ZHX2: variants seen among roughly 807,000 people sequenced by gnomAD.
ZHX2 encodes the protein zinc fingers and homeoboxes 2, also known as zinc fingers and homeoboxes protein 2.
ZHX2 carries 6 observed loss-of-function variants against 21.9 expected under a neutral mutation model. The observed-to-expected ratio is 0.27, with a 90% CI of 0.15 to 0.54. The LOEUF (loss-of-function observed/expected upper bound fraction) is 0.54. ZHX2 is among the 20% of genes least tolerant of loss of function. The probability of loss-of-function intolerance (pLI) is 0.95; values close to 1 mark genes in which losing one functional copy is unlikely to be tolerated. For synonymous variants in ZHX2, 434 were observed against 437.1 expected, an observed-to-expected ratio of 0.99 and a Z score of 0.09; for missense variants, 908 against 1,090.7, an observed-to-expected ratio of 0.83 and a Z score of 2.36.
chr8:122,798,988 C>A (rs778098041), intron 1 of ZHX2, among the ~76,000 whole-genome samples: 2 of 152,136 alleles, frequency 1.3e-5, no homozygotes, highest in Non-Finnish European at 2.9e-5. Flanking sequence ...ATAAGAGAGG[C>A]AATGGAGGCC....
At chr8:122,875,575 A>G (rs1402814250) in intron 2 of ZHX2, among the ~76,000 whole-genome samples, 1 of 150,072 alleles carries the variant, frequency 6.7e-6, no homozygotes, top group Non-Finnish European at 1.5e-5. Flanking sequence ...CAACAGCAGC[A>G]GCGCCGGTAG....
chr8:122,937,086 G>T (rs1210269134), intron 2 of ZHX2, among the ~76,000 whole-genome samples: 2 of 152,260 alleles, frequency 1.3e-5, no homozygotes, highest in Non-Finnish European at 2.9e-5. Flanking sequence ...AGAAGAGGAG[G>T]AAAAGGGCAC....
At chr8:122,896,083 G>T (rs1055085457) in intron 2 of ZHX2, among the ~76,000 whole-genome samples, 5 of 152,082 alleles carry the variant, frequency 3.3e-5, no homozygotes, top group Non-Finnish European at 7.4e-5. Context: ...AGTCCATCCT[G>T]CCTGAAGCTG....
chr8:122,939,298 C>T (rs946213115), intron 2 of ZHX2, among the ~76,000 whole-genome samples: 4 of 152,188 alleles, frequency 2.6e-5, no homozygotes, highest in Admixed American at 2.0e-4. Flanking sequence ...CTCGAAGGCA[C>T]GTCTCCCACT....
intron 1 of ZHX2, among the ~76,000 whole-genome samples, chr8:122,836,285 T>C (rs1254879926): frequency 6.6e-6 from 1 of 152,028 alleles, no homozygotes; most frequent in East Asian, 1.9e-4. Flanking sequence ...TTAACAGGGC[T>C]CCCGGGAAAA....
At chr8:122,817,184 C>T (rs1209186319) in intron 1 of ZHX2, among the ~76,000 whole-genome samples, 2 of 152,320 alleles carry the variant, frequency 1.3e-5, no homozygotes, top group South Asian at 2.1e-4. Context: ...GAGAGGAACA[C>T]GGATCCTGGG....
intron 2 of ZHX2, among the ~76,000 whole-genome samples, chr8:122,904,505 G>A (rs771771288): frequency 5.9e-5 from 9 of 152,180 alleles, no homozygotes; most frequent in East Asian, 1.9e-4. Context: ...TGTGGGAGCC[G>A]TAGCAAGACA....
chr8:122,799,421 G>A (rs1817675764), intron 1 of ZHX2, among the ~76,000 whole-genome samples: 1 of 151,838 alleles, frequency 6.6e-6, no homozygotes, highest in African/African-American at 2.4e-5. Flanking sequence ...TTGTTTTTTA[G>A]TATTAGAATT....
At chr8:122,943,165 G>A (rs1190067708) in intron 2 of ZHX2, among the ~76,000 whole-genome samples, 3 of 152,170 alleles carry the variant, frequency 2.0e-5, no homozygotes, top group African/African-American at 7.2e-5. Flanking sequence ...AGGAGGCTGA[G>A]GCAGGAGAAT....
chr8:122,828,348 G>A lies in ZHX2; in HGVS notation c.-282-35129G>A, dbSNP rs4871310. ...AGTGCATGTGCGTGTGTGTGTTAGT[G>A]ATATGGAGGAAGAGGATCTCACTCA... On this transcript the variant is annotated intron_variant, in intron 1 of 3. Coordinates refer to ENST00000314393, the MANE Select transcript of ZHX2 (RefSeq NM_014943.5). This position sits in a 1 kb window ranked among gnomAD's most constrained non-coding sequence, Gnocchi z 5.2. Among the ~76,000 whole-genome samples the A allele has an allele frequency of 0.036, 5,553 of 152,326 alleles. 159 individuals are homozygous for A. Among genetic ancestry groups the A allele is most frequent in the South Asian group, 0.07 (337 of 4,828 alleles).
At chr8:122,872,505 TGAA>T (rs761724916) in intron 2 of ZHX2, among the ~76,000 whole-genome samples, 1 of 152,172 alleles carries the variant, frequency 6.6e-6, no homozygotes, top group Non-Finnish European at 1.5e-5. Context: ...ACCAAAGAGA[TGAA>T]GAAAGAAGTG....
At chr8:122,935,661 A>C (rs1043861320) in intron 2 of ZHX2, among the ~76,000 whole-genome samples, 2 of 150,080 alleles carry the variant, frequency 1.3e-5, no homozygotes, top group African/African-American at 4.9e-5. Flanking sequence ...TCAGCCTCCC[A>C]AGTAGCTGGG....
intron 1 of ZHX2, among the ~76,000 whole-genome samples, chr8:122,797,422 A>G (rs117096335): frequency 6.6e-6 from 1 of 152,230 alleles, no homozygotes; most frequent in African/African-American, 2.4e-5. Context: ...TGGGGGAAGC[A>G]CATGACCGTC....
intron 1 of ZHX2, among the ~76,000 whole-genome samples, chr8:122,842,990 A>T (rs1488546126): frequency 9.9e-5 from 15 of 152,214 alleles, no homozygotes; most frequent in Non-Finnish European, 1.5e-5. Flanking sequence ...TTCCCAGGTG[A>T]TGCAGGCGTG....
At chr8:122,962,893 T>C (rs915226375) in intron 3 of ZHX2, among the ~76,000 whole-genome samples, 1 of 152,170 alleles carries the variant, frequency 6.6e-6, no homozygotes, top group African/African-American at 2.4e-5. Flanking sequence ...TGAGCATTTT[T>C]TTCATGTTTT....
chr8:122,944,046 G>A (rs1812910061), intron 2 of ZHX2, among the ~76,000 whole-genome samples: 1 of 152,138 alleles, frequency 6.6e-6, no homozygotes. Flanking sequence ...CATGCTGTCT[G>A]CTCTGCCTGG....
In ZHX2 at chr8:122,942,535, T is replaced by G. The variant is rs144787355; in HGVS notation, c.-219-8757T>G. Among the ~76,000 whole-genome samples the G allele has an allele frequency of 3.9e-3, 592 of 152,306 alleles. 9 individuals carry two copies. The highest frequency in any genetic ancestry group is 0.014 in the African/African-American group (572 of 41,576). ...TGAGCATTCCCTGGGCTCAGAGCAC[T>G]GCTGCCCTCTGGGTAGACCCCTGGG... On this transcript the variant is annotated intron_variant, in intron 2 of 3. Coordinates refer to ENST00000314393, the MANE Select transcript of ZHX2 (RefSeq NM_014943.5).
chr8:122,864,119 G>C (rs765602518), intron 2 of ZHX2, among the ~76,000 whole-genome samples: 42 of 150,936 alleles, frequency 2.8e-4, no homozygotes, highest in Non-Finnish European at 6.0e-4. Flanking sequence ...TCAAGCAGAG[G>C]TTGGAGAAAT....
chr8:122,873,184 C>A (rs1586348466), intron 2 of ZHX2, among the ~76,000 whole-genome samples: 1 of 152,122 alleles, frequency 6.6e-6, no homozygotes, highest in Non-Finnish European at 1.5e-5. Context: ...AAAGCCTAGT[C>A]GTTAAGAAAA....
Sources: allele counts gnomAD v4.1 joint callset (sites outside exome capture counted in the v4.1 genomes callset), GRCh38; gene constraint gnomAD v4.1.1; non-coding constraint Gnocchi (gnomAD v3.1); transcripts MANE v1.5; gene names NCBI Gene and HGNC (gene_info 2026-07-23, HGNC 2026-07-21).